EPB41: variants seen among roughly 807,000 people sequenced by gnomAD.
EPB41 encodes erythrocyte membrane protein band 4.1, also known as protein 4.1.
A neutral mutation model predicts 108.0 loss-of-function variants in EPB41; 65 were observed. That is an observed-to-expected ratio of 0.60 (90% CI 0.49 to 0.74). The LOEUF (loss-of-function observed/expected upper bound fraction) is 0.74. EPB41 is among the 30% of genes least tolerant of loss of function. The pLI, the probability that EPB41 is intolerant of heterozygous loss-of-function variation, is 0.00. For synonymous variants in EPB41, 336 were observed against 358.9 expected (o/e 0.94, Z 0.72); for missense variants, 875 against 1,037.0 (o/e 0.84, Z 2.15).
chr1:29,096,143 A>C, intron 16 of EPB41: 1 of 985,668 alleles, frequency 1.0e-6, no homozygotes, highest in African/African-American at 1.7e-5. Context: ...GTATCTGTTC[A>C]TTCATTTGTA....
chr1:28,953,980 A>T (rs1211251158), intron 1 of EPB41, among the ~76,000 whole-genome samples: 2 of 152,190 alleles, frequency 1.3e-5, no homozygotes, highest in Non-Finnish European at 2.9e-5. Context: ...TTTGAGAACT[A>T]TTAGGCTGAA....
chr1:28,947,280 C>T (rs1018439320), intron 1 of EPB41, among the ~76,000 whole-genome samples: 2 of 150,860 alleles, frequency 1.3e-5, no homozygotes, highest in African/African-American at 4.9e-5. Flanking sequence ...TGGTGGCGCG[C>T]GCCTGTAGTC....
chr1:29,006,234 A>ATTTT (rs34223507), intron 4 of EPB41, among the ~76,000 whole-genome samples: 4 of 130,660 alleles, frequency 3.1e-5, no homozygotes, highest in Non-Finnish European at 3.2e-5. Context: ...ATCCCAAAGA[A>ATTTT]TTTTTTTTTT....
chr1:29,083,238 A>G (rs897626091), intron 16 of EPB41, among the ~76,000 whole-genome samples: 1 of 152,112 alleles, frequency 6.6e-6, no homozygotes, highest in African/African-American at 2.4e-5. Flanking sequence ...AGAGAAATGT[A>G]TTGCATGATA....
intron 11 of EPB41, among the ~76,000 whole-genome samples, 190 bp downstream of exon 11, chr1:29,039,616 C>A (rs1640732031): frequency 6.6e-6 from 1 of 152,062 alleles, no homozygotes; most frequent in African/African-American, 2.4e-5. Context: ...AGTTTGAGAC[C>A]AGCCTGGGCA....
chr1:28,959,015 T>A (rs953739927), intron 1 of EPB41, among the ~76,000 whole-genome samples: 1 of 151,096 alleles, frequency 6.6e-6, no homozygotes, highest in Non-Finnish European at 1.5e-5. Context: ...TTTCAGCAGG[T>A]GGAGATGCAG....
chr1:28,974,473 C>T (rs942577819), intron 1 of EPB41, among the ~76,000 whole-genome samples: 4 of 152,198 alleles, frequency 2.6e-5, no homozygotes, highest in Admixed American at 2.0e-4. Context: ...AAATTCAAAT[C>T]ATTCTAGTAT....
intron 16 of EPB41, among the ~76,000 whole-genome samples, chr1:29,067,958 C>T (rs554311902): frequency 3.9e-5 from 6 of 152,142 alleles, no homozygotes; most frequent in Non-Finnish European, 8.8e-5. Flanking sequence ...CTAGGCAAGA[C>T]CACTGTTTTC....
chr1:28,963,713 C>T (rs2095286307), intron 1 of EPB41, among the ~76,000 whole-genome samples: 1 of 152,190 alleles, frequency 6.6e-6, no homozygotes, highest in Admixed American at 6.5e-5. Context: ...TTATCAGTCT[C>T]ATTGAGGTTT....
At chr1:29,084,539 T>C (rs1287524382) in intron 16 of EPB41, among the ~76,000 whole-genome samples, 5 of 152,244 alleles carry the variant, frequency 3.3e-5, no homozygotes, top group Non-Finnish European at 1.5e-5. Context: ...CAGAGGTATA[T>C]GCTAAATCTC....
chr1:28,975,607 A>T (rs181984964), intron 1 of EPB41, among the ~76,000 whole-genome samples: 1 of 152,098 alleles, frequency 6.6e-6, no homozygotes, highest in Non-Finnish European at 1.5e-5. Flanking sequence ...TATTCAAGTC[A>T]TTTCATAATG....
chr1:28,902,425 G>T, intron 1 of EPB41: 1 of 973,154 alleles, frequency 1.0e-6, no homozygotes, highest in Middle Eastern at 5.3e-4. Context: ...TGAGCTTTTT[G>T]TTTTTCAGCA....
intron 16 of EPB41, 80 bp from the exon 17 acceptor site, chr1:29,097,727 T>C: frequency 6.6e-7 from 1 of 1,520,648 alleles, no homozygotes; most frequent in South Asian, 1.1e-5. Flanking sequence ...AGCTAACACT[T>C]TGATCAGATC....
rs1315880599 is a variant in EPB41 at position 29,022,994 on chromosome 1, A to ATTATT, written c.1124+4565_1124+4569dup. Among the ~76,000 whole-genome samples, 3 of 151,874 alleles carry ATTATT rather than the reference A, an allele frequency of 2.0e-5. No homozygotes were observed. The East Asian group carries it at 5.8e-4, about 29-fold the overall frequency. ...TATGTTAAAAAGTAATGGGATTACC[A>ATTATT]TTATTTTATTTTATTTTGAAATGGA... On this transcript the variant is annotated intron_variant, in intron 7 of 20. Transcript: ENST00000343067.
intron 1 of EPB41, among the ~76,000 whole-genome samples, chr1:28,905,662 G>A (rs1056271604): frequency 6.6e-6 from 1 of 152,108 alleles, no homozygotes; most frequent in Non-Finnish European, 1.5e-5. Flanking sequence ...AAATTTCTGT[G>A]TTTAAGCCAC....
intron 7 of EPB41, among the ~76,000 whole-genome samples, chr1:29,026,166 T>C (rs528247016): frequency 1.3e-5 from 2 of 152,160 alleles, no homozygotes; most frequent in East Asian, 3.9e-4. Flanking sequence ...CCACATACAG[T>C]AGGGGTTTGT....
At chr1:29,098,735 T>TTTTG (rs201079494) in intron 17 of EPB41, among the ~76,000 whole-genome samples, 5 of 151,756 alleles carry the variant, frequency 3.3e-5, no homozygotes, top group African/African-American at 4.8e-5. Context: ...TTTAAGTGTT[T>TTTTG]TTTGTTTGTT....
intron 1 of EPB41, among the ~76,000 whole-genome samples, chr1:28,980,982 A>G (rs563209446): frequency 5.9e-5 from 9 of 152,218 alleles, no homozygotes; most frequent in African/African-American, 2.2e-4. Context: ...CACTTTGGCC[A>G]GGCTGGCCTC....
At chr1:29,113,273 A>G (rs551807) in intron 19 of EPB41, among the ~76,000 whole-genome samples, 17,282 of 152,224 alleles carry the variant, frequency 0.11, 1,237 homozygotes, top group African/African-American at 0.21. Flanking sequence ...ATTGCATGCA[A>G]ATGCTTCTGG....
Sources: allele counts gnomAD v4.1 joint callset (sites outside exome capture counted in the v4.1 genomes callset), GRCh38; gene constraint gnomAD v4.1.1; transcripts MANE v1.5; gene names NCBI Gene and HGNC (gene_info 2026-07-23, HGNC 2026-07-21).